SORCS2: variants seen among roughly 807,000 people sequenced by gnomAD.
The protein encoded by SORCS2 is VPS10 domain-containing receptor SorCS2.
SORCS2 carries 100 observed loss-of-function variants against 141.6 expected under a neutral mutation model. The ratio of observed to expected loss-of-function variants is 0.71; its 90% CI spans 0.60 to 0.83. SORCS2 has a LOEUF of 0.83. Among genes scored for constraint, SORCS2 ranks in the 40% least tolerant of loss-of-function variants. The probability of loss-of-function intolerance (pLI) is 0.00; values close to 1 mark genes in which losing one functional copy is unlikely to be tolerated. For synonymous variants in SORCS2, 789 were observed against 676.9 expected (o/e 1.17, Z -2.57); for missense variants, 1,646 against 1,560.2 (o/e 1.05, Z -0.93).
rs149652635 is a variant in SORCS2 at position 7,255,202 on chromosome 4, T to C, written c.480+62076T>C. Among the ~76,000 whole-genome samples the C allele has an allele frequency of 5.2e-3, 788 of 152,028 alleles. 6 individuals carry two copies. Among genetic ancestry groups the C allele is most frequent in the Non-Finnish European group, 7.8e-3 (530 of 67,992 alleles). ...TGCCCTAGCGGAGGTGACAGTCCCATGCAGAAGAAGGCAAGTGTAACCAGT... is the reference window on the plus strand; with the variant it reads ...TGCCCTAGCGGAGGTGACAGTCCCACGCAGAAGAAGGCAAGTGTAACCAGT... On this transcript the variant is annotated intron_variant, in intron 1 of 26. Transcript: ENST00000507866.
In SORCS2 at chr4:7,589,995, G is replaced by C. The variant is rs371344901; in HGVS notation, c.649-48333G>C. 4.1e-4 allele frequency among the ~76,000 whole-genome samples: 62 copies of C among 152,292 alleles called. No individual in the cohort carries two copies. The East Asian group carries it at 0.011, about 28-fold the overall frequency. On this transcript the variant is annotated intron_variant, in intron 3 of 26. Coordinates refer to ENST00000507866, the MANE Select transcript of SORCS2 (RefSeq NM_020777.3). ...GGCGGGGCTATTGGAGCAGCAAGGA[G>C]ACATGAGAGAGAAAGGGCTGGAGGA...
chr4:7,599,250 T>G (rs1288713650), intron 3 of SORCS2, among the ~76,000 whole-genome samples: 3 of 152,124 alleles, frequency 2.0e-5, no homozygotes, highest in Non-Finnish European at 4.4e-5. Flanking sequence ...CCCTTCAGCC[T>G]CTGCTCCCCT....
intron 2 of SORCS2, among the ~76,000 whole-genome samples, chr4:7,457,227 G>T (rs1423117293): frequency 6.6e-6 from 1 of 152,206 alleles, no homozygotes; most frequent in African/African-American, 2.4e-5. Flanking sequence ...GCCATGCACT[G>T]GACCTGAATC....
intron 23 of SORCS2, among the ~76,000 whole-genome samples, chr4:7,731,309 T>A (rs1711663123): frequency 6.6e-6 from 1 of 152,174 alleles, no homozygotes; most frequent in Admixed American, 6.5e-5. Context: ...AGTACAAGAA[T>A]TTGAAGAAGA....
intron 3 of SORCS2, among the ~76,000 whole-genome samples, chr4:7,540,361 T>C (rs565036064): frequency 6.6e-6 from 1 of 152,160 alleles, no homozygotes; most frequent in South Asian, 2.1e-4. Context: ...CCCGTGGACA[T>C]AGGACCCCAG....
chr4:7,278,306 G>A (rs4689677), intron 1 of SORCS2, among the ~76,000 whole-genome samples: 13,626 of 152,266 alleles, frequency 0.089, 938 homozygotes, highest in Admixed American at 0.23. Flanking sequence ...ACTGATGTCT[G>A]CCTGGTTGGG....
intron 1 of SORCS2, among the ~76,000 whole-genome samples, chr4:7,372,429 C>G (rs1722317401): frequency 6.6e-6 from 1 of 152,120 alleles, no homozygotes; most frequent in Non-Finnish European, 1.5e-5. Flanking sequence ...GCCTCAGCCT[C>G]CCAAGTAGCT....
At position 7,484,123 on chromosome 4, in the gene SORCS2, T is replaced by C. The variant is rs138707697; in HGVS notation, c.549-47407T>C. Among the ~76,000 whole-genome samples, 323 of 152,300 alleles carry C rather than the reference T, an allele frequency of 2.1e-3. 3 individuals carry two copies. Among genetic ancestry groups the C allele is most frequent in the African/African-American group, 7.3e-3 (304 of 41,566 alleles). ...AAACACAGTGCAATAAGTATCAACA[T>C]ATGATGGGAGGCAGCTTAAAGTTAT... On this transcript the variant is annotated intron_variant, in intron 2 of 26. Coordinates refer to ENST00000507866, the MANE Select transcript of SORCS2 (RefSeq NM_020777.3).
chr4:7,664,560 G>A lies in SORCS2; in HGVS notation c.1071+89G>A. ...GGCAAAAATGGCATCGCTCAGAAAA[G>A]AGGCAATAAAACGGGTATTTCACTC... On this transcript the variant is annotated intron_variant, in intron 7 of 26. Coordinates refer to ENST00000507866, the MANE Select transcript of SORCS2 (RefSeq NM_020777.3). The surrounding 1 kb of genome is among the most constrained non-coding windows in gnomAD (Gnocchi z 4.7). 5.4e-6 allele frequency: 5 copies of A among 918,482 alleles called. No individual in the cohort carries two copies. Among genetic ancestry groups the A allele is most frequent in the Non-Finnish European group, 8.3e-6 (5 of 598,830 alleles). 56.9% of individuals were successfully genotyped at this position (918,482 alleles called of 1,614,324 possible). A position where few individuals can be genotyped will look rare whatever the true frequency, so the allele number is the denominator to read the frequency against.
chr4:7,276,795 C>A (rs912025485), intron 1 of SORCS2, among the ~76,000 whole-genome samples: 3 of 152,184 alleles, frequency 2.0e-5, no homozygotes, highest in Admixed American at 6.5e-5. Context: ...TCCAGCCACA[C>A]CTAGTGGAGC....
chr4:7,544,035 C>T (rs1397456743), intron 3 of SORCS2, among the ~76,000 whole-genome samples: 55 of 126,172 alleles, frequency 4.4e-4, no homozygotes, highest in African/African-American at 1.2e-3. Flanking sequence ...CATCCAGCCA[C>T]CCACCCATCC....
In SORCS2 at chr4:7,740,614, T is replaced by G; in HGVS notation, c.*350T>G. On this transcript the variant is annotated 3_prime_UTR_variant, in exon 27 of 27. Coordinates refer to ENST00000507866, the MANE Select transcript of SORCS2 (RefSeq NM_020777.3). ...GCTGGTCGTCCTGGAGCCCTCCCAGTACCTCGGGCTGCAAGAGCTGCAGAC... is the reference window on the plus strand; with the variant it reads ...GCTGGTCGTCCTGGAGCCCTCCCAGGACCTCGGGCTGCAAGAGCTGCAGAC... 1 of 349,136 alleles carries G rather than the reference T, an allele frequency of 2.9e-6. No individual in the cohort carries two copies. The highest frequency in any genetic ancestry group is 5.5e-6 in the Non-Finnish European group (1 of 182,724). 21.6% of individuals were successfully genotyped at this position (349,136 alleles called of 1,614,324 possible).
intron 2 of SORCS2, among the ~76,000 whole-genome samples, chr4:7,456,194 T>A (rs1043725857): frequency 1.3e-5 from 2 of 152,202 alleles, no homozygotes; most frequent in African/African-American, 2.4e-5. Flanking sequence ...CCTTAGTTAC[T>A]TTAAATGTCC....
intron 1 of SORCS2, among the ~76,000 whole-genome samples, chr4:7,252,165 TG>T (rs1416055045): frequency 2.0e-5 from 3 of 152,180 alleles, no homozygotes; most frequent in Admixed American, 2.0e-4. Context: ...ACCTGGCATC[TG>T]GGGGGCCTCA....
chr4:7,656,949 G>A (rs1298155552), intron 5 of SORCS2, among the ~76,000 whole-genome samples: 1 of 152,242 alleles, frequency 6.6e-6, no homozygotes, highest in Non-Finnish European at 1.5e-5. Flanking sequence ...CCTGCCCCCG[G>A]CCAGCTCACT....
intron 1 of SORCS2, among the ~76,000 whole-genome samples, chr4:7,213,449 A>C (rs1360248423): frequency 6.6e-6 from 1 of 152,082 alleles, no homozygotes; most frequent in Non-Finnish European, 1.5e-5. Context: ...AATGGTGCAG[A>C]CAGCAAATGG....
At chr4:7,597,885 A>G (rs1560415051) in intron 3 of SORCS2, among the ~76,000 whole-genome samples, 1 of 151,058 alleles carries the variant, frequency 6.6e-6, no homozygotes, top group African/African-American at 2.4e-5. Flanking sequence ...CTCTGTGGTC[A>G]GCGGATTCCC....
rs565603085 is a variant in SORCS2, at chr4:7,740,885, C to T, written c.*621C>T. On this transcript the variant is annotated 3_prime_UTR_variant, in exon 27 of 27. Transcript: ENST00000507866. ...TCTCACTCTCTGTCTTTATAGCCGGCGGTAGCCACCGGGGTGGCTCTGTCA... is the reference window on the plus strand; with the variant it reads ...TCTCACTCTCTGTCTTTATAGCCGGTGGTAGCCACCGGGGTGGCTCTGTCA... 1.7e-4 allele frequency: 69 copies of T among 396,620 alleles called. No homozygotes were observed. Among genetic ancestry groups the T allele is most frequent in the Non-Finnish European group, 2.7e-4 (62 of 225,472 alleles). The allele number at this position is 396,620 out of a possible 1,614,324, so 24.6% of individuals were successfully genotyped here.
rs60651806 is a variant in SORCS2 at position 7,256,917 on chromosome 4, C to G, written c.480+63791C>G. The stretch of plus-strand genomic sequence containing the variant: ...TCCAGGCAGAGTGTGGGCACCGGCC[C>G]CAGCCACCCATTCCTAGCATCCTTT... On this transcript the variant is annotated intron_variant, in intron 1 of 26. Coordinates refer to ENST00000507866, the MANE Select transcript of SORCS2 (RefSeq NM_020777.3). 6.6e-3 allele frequency among the ~76,000 whole-genome samples: 1,011 copies of G among 152,140 alleles called. 11 individuals are homozygous for G. Among genetic ancestry groups the G allele is most frequent in the African/African-American group, 0.023 (959 of 41,494 alleles).
Sources: gnomAD v4.1 joint callset for allele counts (sites outside exome capture counted in the v4.1 genomes callset) on GRCh38, gnomAD v4.1.1 for gene constraint, Gnocchi (gnomAD v3.1) non-coding constraint, MANE v1.5 for transcripts, NCBI Gene and HGNC (gene_info 2026-07-23, HGNC 2026-07-21) for gene names.